The following METTL25B variants were observed in gnomAD, a reference collection of about 807,000 sequenced individuals.
METTL25B encodes methyltransferase like 25B, also known as methyltransferase-like protein 25B.
METTL25B carries 38 observed loss-of-function variants against 48.4 expected under a neutral mutation model. The ratio of observed to expected loss-of-function variants is 0.78; its 90% CI spans 0.61 to 1.03. The LOEUF is 1.03. METTL25B is among the 50% of genes least tolerant of loss of function. The probability of loss-of-function intolerance (pLI) is 0.00; values close to 1 mark genes in which losing one functional copy is unlikely to be tolerated. For missense variants in METTL25B, 537 were observed against 603.7 expected (o/e 0.89, Z 1.16); for synonymous variants, 230 against 254.5 (o/e 0.90, Z 0.92).
chr1:156,732,595 C>T (rs948152630), intron 3 of METTL25B, 122 bp downstream of exon 3: 31 of 868,394 alleles, frequency 3.6e-5, no homozygotes, highest in Non-Finnish European at 5.2e-5. Flanking sequence ...ATTCCTTTAC[C>T]TCAACAGACA....
In METTL25B at chr1:156,733,031, A is replaced by G; in HGVS notation, c.476A>G (p.Asp159Gly). Residue 159 changes from aspartate to glycine, a missense_variant, in exon 4 of 8, where the codon GAC becomes GGC. By Grantham distance (94) the Asp-to-Gly change is moderately conservative. Coordinates refer to ENST00000368216, the MANE Select transcript of METTL25B (RefSeq NM_015997.4). ...TTCACAGGCTGCACCCAGGTTGTAGACGTGGGCTCAGGCCAGGTGAGCCAG... is the reference window on the plus strand; with the variant it reads ...TTCACAGGCTGCACCCAGGTTGTAGGCGTGGGCTCAGGCCAGGTGAGCCAG... ...SDFTGCTQVV[D>G]VGSGQGHLSR... 6.2e-7 allele frequency: 1 copy of G among 1,614,086 alleles called. No individual in the cohort carries two copies. Among genetic ancestry groups the G allele is most frequent in the African/African-American group, 1.3e-5 (1 of 75,020 alleles).
Position 156,728,906 on chromosome 1 carries a change from C to A in METTL25B, c.-199C>A. 1 of 584,712 alleles carries A rather than the reference C, an allele frequency of 1.7e-6. No individual in the cohort carries two copies. Among genetic ancestry groups the A allele is most frequent in the Non-Finnish European group, 2.8e-6 (1 of 361,290 alleles). The allele number at this position is 584,712 out of a possible 1,614,324, so 36.2% of individuals were successfully genotyped here. A position where few individuals can be genotyped will look rare whatever the true frequency, so the allele number is the denominator to read the frequency against. ...ACCTTCTCACTGTGAAACGTCGCGA[C>A]CTGTGACGTCTGGGGGGCGCCTCAA... is the stretch of plus-strand genomic sequence containing the variant. On this transcript the variant is annotated 5_prime_UTR_variant, in exon 1 of 8. Transcript: ENST00000368216.
rs1220872226 is a variant in METTL25B, at chr1:156,729,156, G to A, written c.52G>A (p.Ala18Thr). The A allele has an allele frequency of 6.2e-7, 1 of 1,611,700 alleles. No homozygotes were observed. The highest frequency in any genetic ancestry group is 1.1e-5 in the South Asian group (1 of 90,854). ...GLSHEGRKQL[A>T]VNLTRVLALY... ...CTCTCATGAGGGGAGGAAGCAGCTAGCTGTTAACCTCACCCGTGTCCTGGC... is the reference window on the plus strand; with the variant it reads ...CTCTCATGAGGGGAGGAAGCAGCTAACTGTTAACCTCACCCGTGTCCTGGC... The change falls in exon 1 of 8, where the codon GCT (alanine) becomes ACT (threonine). Residue 18 changes from alanine (A) to threonine (T), a missense_variant. Ala to Thr is a moderately conservative substitution (Grantham distance 58). Coordinates refer to ENST00000368216, the MANE Select transcript of METTL25B (RefSeq NM_015997.4).
Position 156,735,748 on chromosome 1 carries a change from G to A in METTL25B, c.1145G>A (p.Arg382Gln), listed in dbSNP as rs775649086. Residue 382 changes from arginine (R) to glutamine (Q), a missense_variant, in exon 7 of 8, where the codon CGA becomes CAA. By Grantham distance (43) the Arg-to-Gln change is conservative. Coordinates refer to ENST00000368216, the MANE Select transcript of METTL25B (RefSeq NM_015997.4). ...AGATATGTGCAGCGGGGGCTACAGC[G>A]AGTGGGGCTAGATCCCCAGCTGCCA... is the stretch of plus-strand genomic sequence containing the variant. ...IEEYVQRGLQ[R>Q]VGLDPQLPLN... The A allele has an allele frequency of 1.1e-5, 17 of 1,610,732 alleles. No homozygotes were observed. The highest frequency in any genetic ancestry group is 8.4e-5 in the Admixed American group (5 of 59,558).
chr1:156,728,802 C>A lies in METTL25B; in HGVS notation c.-303C>A. On this transcript the variant is annotated 5_prime_UTR_variant, in exon 1 of 8. Transcript: ENST00000368216. ...GCGGGAACTGGAACTTGGCCCGCCT[C>A]GTTGTGAGCTGAGCTCAGCGGCACG... 1 of 982,662 alleles carries A rather than the reference C, an allele frequency of 1.0e-6. No individual in the cohort carries two copies. The highest frequency in any genetic ancestry group is 1.3e-6 in the Non-Finnish European group (1 of 788,610). 60.9% of individuals were successfully genotyped at this position (982,662 alleles called of 1,614,324 possible). A position where few individuals can be genotyped will look rare whatever the true frequency, so the allele number is the denominator to read the frequency against.
In METTL25B at chr1:156,734,150, T is replaced by C. The variant is rs1649523818; in HGVS notation, c.778T>C (p.Cys260Arg). Residue 260 changes from cysteine (C) to arginine (R), a missense_variant, in exon 6 of 8, where the codon TGT becomes CGT. Coordinates refer to ENST00000368216, the MANE Select transcript of METTL25B (RefSeq NM_015997.4). ...CTTGCTGCTCACAGGCCTCCACGCC[T>C]GTGGGGATCTGAGTGTTGCCTTGCT... ...ARLLLTGLHA[C>R]GDLSVALLRH... 6.2e-7 allele frequency: 1 copy of C among 1,614,102 alleles called. No individual in the cohort carries two copies. Among genetic ancestry groups the C allele is most frequent in the Non-Finnish European group, 8.5e-7 (1 of 1,180,054 alleles).
At chr1:156,729,298 TA>T (rs1369799620) in intron 1 of METTL25B, 83 bp downstream of exon 1, 3 of 773,324 alleles carry the variant, frequency 3.9e-6, no homozygotes, top group Non-Finnish European at 6.7e-6. Context: ...TCTGGAGAAT[TA>T]GCCTCTGATC....
Position 156,728,975 on chromosome 1 carries a change from A to G in METTL25B, c.-130A>G, listed in dbSNP as rs1648975024. 3.5e-6 allele frequency: 2 copies of G among 574,196 alleles called. No homozygotes were observed. Among genetic ancestry groups the G allele is most frequent in the South Asian group, 5.1e-5 (2 of 39,464 alleles). 35.6% of individuals were successfully genotyped at this position (574,196 alleles called of 1,614,324 possible). On this transcript the variant is annotated 5_prime_UTR_variant, in exon 1 of 8. Coordinates refer to ENST00000368216, the MANE Select transcript of METTL25B (RefSeq NM_015997.4). ...GGATCCCGGAAAGGCAGCGTCGGAG[A>G]CTGGACCCAAAACTCTTCCTGTTCT...
rs1648935400 is a variant in METTL25B at position 156,728,609 on chromosome 1, A to C, written c.-496A>C. ...GTGTGAGGAGCGGCAGTGGCGGCGG[A>C]GGAGGGGGCGGCGTGGGTGGGGGCG... On this transcript the variant is annotated 5_prime_UTR_variant, in exon 1 of 8. Coordinates refer to ENST00000368216, the MANE Select transcript of METTL25B (RefSeq NM_015997.4). 10 of 681,140 alleles carry C rather than the reference A, an allele frequency of 1.5e-5. No individual in the cohort carries two copies. The South Asian group carries it at 3.4e-4, about 23-fold the overall frequency. 42.2% of individuals were successfully genotyped at this position (681,140 alleles called of 1,614,324 possible).
At chr1:156,734,517 G>A (rs764708025) in intron 6 of METTL25B, 24 bp downstream of exon 6, 41 of 1,524,502 alleles carry the variant, frequency 2.7e-5, no homozygotes, top group Non-Finnish European at 2.8e-5. Flanking sequence ...ACGGGTGGGG[G>A]GCAGTGGAGA....
Position 156,732,965 on chromosome 1 carries a change from T to C in METTL25B, c.430-20T>C, listed in dbSNP as rs1477487161. 1.2e-6 allele frequency: 2 copies of C among 1,612,496 alleles called. No individual in the cohort carries two copies. The highest frequency in any genetic ancestry group is 2.2e-5 in the South Asian group (2 of 91,012). ...GTCAATAACCAGTGGCTAGGAGACC[T>C]TTGTTTCCTCCTTTTTCAGTTGGTG... On this transcript the variant is annotated intron_variant, in intron 3 of 7. Coordinates refer to ENST00000368216, the MANE Select transcript of METTL25B (RefSeq NM_015997.4).
intron 1 of METTL25B, among the ~76,000 whole-genome samples, chr1:156,731,239 T>C (rs1028380705): frequency 2.8e-4 from 42 of 152,216 alleles, no homozygotes; most frequent in Admixed American, 2.6e-4. Context: ...TTCTCCTGCC[T>C]CAGCCTACTG....
rs745666571 is a variant in METTL25B at position 156,733,449 on chromosome 1, G to C, written c.565G>C (p.Val189Leu). The change falls in exon 5 of 8, where the codon GTG becomes CTG. Residue 189 changes from valine (V) to leucine (L), a missense_variant. Val to Leu is a conservative substitution (Grantham distance 32). Coordinates refer to ENST00000368216, the MANE Select transcript of METTL25B (RefSeq NM_015997.4). ...GAGCATCGAAGGGGATCAGAGACTGGTGGAGAGAGCCCAGCGCCTGGACCA... is the reference window on the plus strand; with the variant it reads ...GAGCATCGAAGGGGATCAGAGACTGCTGGAGAGAGCCCAGCGCCTGGACCA... ...VKSIEGDQRL[V>L]ERAQRLDQEL... The C allele has an allele frequency of 4.3e-6, 7 of 1,614,000 alleles. No homozygotes were observed. The highest frequency in any genetic ancestry group is 5.9e-6 in the Non-Finnish European group (7 of 1,180,000).
chr1:156,732,264 C>T lies in METTL25B; in HGVS notation c.237-17C>T, dbSNP rs202155882. On this transcript the variant is annotated splice_polypyrimidine_tract_variant and intron_variant, in intron 2 of 7. Transcript: ENST00000368216. ...TGATGGGACTATTCACTGGAGGCCTCGGCTGGACTATCTCAGGTACAGGTC... is the reference window on the plus strand; with the variant it reads ...TGATGGGACTATTCACTGGAGGCCTTGGCTGGACTATCTCAGGTACAGGTC... 181 of 1,613,066 alleles carry T rather than the reference C, an allele frequency of 1.1e-4. No homozygotes were observed. The highest frequency in any genetic ancestry group is 1.4e-4 in the Non-Finnish European group (164 of 1,179,098).
In METTL25B at chr1:156,732,432, G is replaced by A. The variant is rs1218042936; in HGVS notation, c.388G>A (p.Val130Ile). Reference protein sequence around the residue: ...SRLTAPFRKHVRPKKQHEIRR... With the variant: ...SRLTAPFRKHIRPKKQHEIRR... ...ACTAACAGCTCCATTCCGGAAACAT[G>A]TCAGGCCCAAGAAGCAGCATGAGAT... Residue 130 changes from valine to isoleucine, a missense_variant, in exon 3 of 8, where the codon GTC becomes ATC. Transcript: ENST00000368216. 2 of 1,614,044 alleles carry A rather than the reference G, an allele frequency of 1.2e-6. No homozygotes were observed. The highest frequency in any genetic ancestry group is 1.3e-5 in the African/African-American group (1 of 74,930).
chr1:156,734,553 A>G, intron 6 of METTL25B, 60 bp downstream of exon 6: 1 of 1,432,282 alleles, frequency 7.0e-7, no homozygotes, highest in Admixed American at 2.7e-5. Flanking sequence ...TTTTTTTGAG[A>G]TGGAGTCTGG....
chr1:156,728,584 G>T lies in METTL25B; in HGVS notation c.-521G>T. On this transcript the variant is annotated 5_prime_UTR_variant, in exon 1 of 8. Transcript: ENST00000368216. Reference sequence around the variant, plus strand: ...GGTAGTGAGGCCAGTGATTCCGAGTGTGTGAGGAGCGGCAGTGGCGGCGGA... The same window carrying T: ...GGTAGTGAGGCCAGTGATTCCGAGTTTGTGAGGAGCGGCAGTGGCGGCGGA... The T allele has an allele frequency of 8.1e-6, 8 of 985,294 alleles. No individual in the cohort carries two copies. The highest frequency in any genetic ancestry group is 9.6e-6 in the Non-Finnish European group (8 of 829,782). The allele number at this position is 985,294 out of a possible 1,614,324, so 61.0% of individuals were successfully genotyped here. A position where few individuals can be genotyped will look rare whatever the true frequency, so the allele number is the denominator to read the frequency against.
intron 7 of METTL25B, 118 bp from the exon 8 acceptor site, chr1:156,736,514 C>A (rs2102677868): frequency 1.6e-6 from 2 of 1,258,200 alleles, no homozygotes; most frequent in East Asian, 2.3e-5. Flanking sequence ...AACGGGGTCT[C>A]CTTAGCCCCG....
chr1:156,735,660 A>C lies in METTL25B; in HGVS notation c.1122-65A>C, dbSNP rs189292773. ...GTTGGAACTGAATTAGGAACAAGCAAAGTTTAAGTGAGAGGTGACAGTTCT... is the reference window on the plus strand; with the variant it reads ...GTTGGAACTGAATTAGGAACAAGCACAGTTTAAGTGAGAGGTGACAGTTCT... On this transcript the variant is annotated intron_variant, in intron 6 of 7. Coordinates refer to ENST00000368216, the MANE Select transcript of METTL25B (RefSeq NM_015997.4). 3.3e-3 allele frequency: 4,587 copies of C among 1,405,232 alleles called. 18 individuals are homozygous for C. In the Middle Eastern group the frequency reaches 0.035, roughly 11 times the overall value. The allele number at this position is 1,405,232 out of a possible 1,614,324, so 87.0% of individuals were successfully genotyped here.
Sources: gnomAD v4.1 joint callset for allele counts (sites outside exome capture counted in the v4.1 genomes callset) on GRCh38, gnomAD v4.1.1 for gene constraint, MANE v1.5 for transcripts, NCBI Gene and HGNC (gene_info 2026-07-23, HGNC 2026-07-21) for gene names.